Variants in CHFR observed in about 807,000 individuals in gnomAD.
CHFR encodes E3 ubiquitin-protein ligase CHFR.
A neutral mutation model predicts 87.6 loss-of-function variants in CHFR; 57 were observed. The observed-to-expected ratio is 0.65, with a 90% confidence interval of 0.53 to 0.81. The LOEUF (loss-of-function observed/expected upper bound fraction) is 0.81, where lower values mean the gene tolerates loss of function less well. Ranked by LOEUF, CHFR falls within the 30% of genes least tolerant of loss-of-function variation. The probability of loss-of-function intolerance (pLI) is 0.00; values close to 1 mark genes in which losing one functional copy is unlikely to be tolerated. For synonymous variants in CHFR, 381 were observed against 359.2 expected (o/e 1.06, Z -0.69); for missense variants, 797 against 865.8 (o/e 0.92, Z 1.00).
chr12:132,863,975 G>T (rs1003257198), intron 6 of CHFR, among the ~76,000 whole-genome samples: 11 of 151,998 alleles, frequency 7.2e-5, no homozygotes, highest in African/African-American at 2.7e-4. Context: ...TTTTACCCAG[G>T]CTGGTCTCAA....
chr12:132,884,863 G>C (rs1951850972), intron 2 of CHFR, among the ~76,000 whole-genome samples: 2 of 152,138 alleles, frequency 1.3e-5, no homozygotes, highest in South Asian at 4.1e-4. Flanking sequence ...GAGGCAGACA[G>C]ATTGCTGGAG....
At position 132,848,087 on chromosome 12, in the gene CHFR, T is replaced by G; in HGVS notation, c.1645A>C (p.Lys549Gln). 6.2e-7 allele frequency: 1 copy of G among 1,613,982 alleles called. No individual in the cohort carries two copies. The highest frequency in any genetic ancestry group is 8.5e-7 in the Non-Finnish European group (1 of 1,179,972). ...NNNSYESDILKNYLATRGLTW... is the reference protein window; with the variant it reads ...NNNSYESDILQNYLATRGLTW... ...CCCAGCCCGCAGCGAGTCGGTACCT[T>G]CAGGATGTCTGACTCGTAGCTGTTG... Residue 549 changes from lysine (K) to glutamine (Q), a missense_variant and splice_region_variant, in exon 14 of 18, where the codon AAG becomes CAG. Transcript: ENST00000450056.
intron 11 of CHFR, 126 bp from the exon 12 acceptor site, chr12:132,851,863 T>G (rs892604202): frequency 5.1e-6 from 6 of 1,179,922 alleles, no homozygotes; most frequent in Non-Finnish European, 6.9e-6. Flanking sequence ...GAAGCAGACC[T>G]GCCCTGCTAA....
rs958066311 is a variant in CHFR at position 132,835,303 on chromosome 12, C to G, written c.*6251G>C. ...AATTTTTATAAAACCCCGTGGCGTG[C>G]GAGCTTTGATGGCAGAGTGTTACAA... On this transcript the variant is annotated 3_prime_UTR_variant, in exon 18 of 18. Coordinates refer to ENST00000450056, the MANE Select transcript of CHFR (RefSeq NM_001161346.2). The G allele has an allele frequency of 6.6e-6, 1 of 152,134 alleles. No homozygotes were observed. The highest frequency in any genetic ancestry group is 1.5e-5 in the Non-Finnish European group (1 of 68,058). The allele number at this position is 152,134 out of a possible 1,614,324, so 9.4% of individuals were successfully genotyped here.
chr12:132,866,701 A>G (rs1461233343), intron 6 of CHFR: 1 of 152,220 alleles, frequency 6.6e-6, no homozygotes, highest in Admixed American at 6.5e-5. Flanking sequence ...ACAACACACC[A>G]GAATGTTACA....
At chr12:132,866,627 GC>G (rs1951348555) in intron 6 of CHFR, 1 of 137,980 alleles carries the variant, frequency 7.2e-6, no homozygotes, top group South Asian at 2.2e-4. Context: ...ACAACACACC[GC>G]GTAACACCAA....
At position 132,839,224 on chromosome 12, in the gene CHFR, C is replaced by T. The variant is rs1401035351; in HGVS notation, c.*2330G>A. 6.8e-5 allele frequency: 11 copies of T among 162,194 alleles called. No homozygotes were observed. Among genetic ancestry groups the T allele is most frequent in the Admixed American group, 1.3e-4 (2 of 15,338 alleles). 10.0% of individuals were successfully genotyped at this position (162,194 alleles called of 1,614,324 possible). On this transcript the variant is annotated 3_prime_UTR_variant, in exon 18 of 18. Transcript: ENST00000450056. ...TCAACCGATCTCTCTAAGACACAGA[C>T]GCAGGGTAGCCCCAGCCCACTTCAT...
chr12:132,862,218 T>G (rs907257690), intron 6 of CHFR: 1 of 216,174 alleles, frequency 4.6e-6, no homozygotes, highest in Non-Finnish European at 9.5e-6. Flanking sequence ...GAGGTTGCAG[T>G]GAGCCAAGAT....
intron 3 of CHFR, among the ~76,000 whole-genome samples, chr12:132,874,875 G>T (rs886183038): frequency 6.8e-6 from 1 of 146,512 alleles, no homozygotes; most frequent in Non-Finnish European, 1.5e-5. Context: ...TGGAACAGGC[G>T]GGACTGCCCA....
chr12:132,877,642 G>GA lies in CHFR; in HGVS notation c.145dup (p.Ser49PhefsTer6). The GA allele has an allele frequency of 1.2e-6, 2 of 1,612,698 alleles. No homozygotes were observed. The highest frequency in any genetic ancestry group is 1.7e-6 in the Non-Finnish European group (2 of 1,179,228). ...AGAGACCAGTTTATTGCTGGGGAAG[G>GA]AAAGGTCGCAACCTAAAAAAGAGAG... On this transcript the variant is annotated frameshift_variant, in exon 3 of 18. Transcript: ENST00000450056. LOFTEE classifies it high-confidence loss of function.
At chr12:132,886,208 G>C (rs1003115343) in intron 2 of CHFR, among the ~76,000 whole-genome samples, 1 of 152,086 alleles carries the variant, frequency 6.6e-6, no homozygotes, top group Non-Finnish European at 1.5e-5. Flanking sequence ...GCTACTCCGA[G>C]GCTGAGGCGG....
At chr12:132,874,259 GT>G (rs1049662353) in intron 3 of CHFR, among the ~76,000 whole-genome samples, 2 of 152,274 alleles carry the variant, frequency 1.3e-5, no homozygotes, top group African/African-American at 4.8e-5. Context: ...CCACCATGCA[GT>G]CAGCACAGGG....
intron 3 of CHFR, among the ~76,000 whole-genome samples, chr12:132,874,208 T>C (rs1951561968): frequency 6.6e-6 from 1 of 152,258 alleles, no homozygotes; most frequent in Admixed American, 6.5e-5. Context: ...TTTAAATCCA[T>C]TAAGCTTGTG....
chr12:132,836,037 C>A lies in CHFR; in HGVS notation c.*5517G>T, dbSNP rs7953573. 0.022 allele frequency: 345 copies of A among 15,628 alleles called. 10 individuals carry two copies. Among genetic ancestry groups the A allele is most frequent in the South Asian group, 0.034 (41 of 1,196 alleles). The allele number at this position is 15,628 out of a possible 1,614,324, so 1.0% of individuals were successfully genotyped here. The stretch of plus-strand genomic sequence containing the variant: ...AGCACGGCGCACGGCACTCACAGTG[C>A]CAGGCTCCCAGCACGGCGCACGGCA... On this transcript the variant is annotated 3_prime_UTR_variant, in exon 18 of 18. Transcript: ENST00000450056.
At chr12:132,876,286 A>G (rs1951630794) in intron 3 of CHFR, among the ~76,000 whole-genome samples, 1 of 152,234 alleles carries the variant, frequency 6.6e-6, no homozygotes, top group East Asian at 1.9e-4. Flanking sequence ...TATGAATAGG[A>G]TTTTGGAAAG....
chr12:132,877,432 G>A (rs1195907068), intron 3 of CHFR, 123 bp downstream of exon 3: 23 of 558,508 alleles, frequency 4.1e-5, no homozygotes, highest in African/African-American at 1.2e-4. Context: ...AAAATGAGCC[G>A]CTGTTATCAC....
intron 14 of CHFR, chr12:132,847,723 G>A (rs1195458602): frequency 8.7e-7 from 1 of 1,145,592 alleles, no homozygotes; most frequent in Non-Finnish European, 1.1e-6. Flanking sequence ...ATGGCCAGAA[G>A]AGACAGGGAC....
At chr12:132,854,348 G>A (rs989840279) in intron 10 of CHFR, 5 of 152,168 alleles carry the variant, frequency 3.3e-5, no homozygotes, top group Admixed American at 2.6e-4. Flanking sequence ...CTTATCAAAC[G>A]TCTATCAAGG....
At chr12:132,870,487 C>T (rs1046480816) in intron 5 of CHFR, among the ~76,000 whole-genome samples, 5 of 150,318 alleles carry the variant, frequency 3.3e-5, no homozygotes, top group African/African-American at 4.9e-5. Context: ...GCCGAGATCG[C>T]GCCACTGCAC....
Sources: allele counts gnomAD v4.1 joint callset (sites outside exome capture counted in the v4.1 genomes callset), GRCh38; gene constraint gnomAD v4.1.1; transcripts MANE v1.5; gene names NCBI Gene and HGNC (gene_info 2026-07-23, HGNC 2026-07-21).